The following XNDC1N variants were observed in gnomAD, a reference collection of about 807,000 sequenced individuals.
The protein encoded by XNDC1N is XRCC1 N-terminal domain containing 1, N-terminal like.
At chr11:71,906,293 A>G in the XNDC1N span, among the ~76,000 whole-genome samples, 1 of 151,478 alleles carries the variant, frequency 6.6e-6, no homozygotes, top group East Asian at 2.0e-4. Context: ...GAAATTATGA[A>G]TACTATCACA....
the XNDC1N span, among the ~76,000 whole-genome samples, chr11:71,913,034 G>C: frequency 6.6e-6 from 1 of 152,072 alleles, no homozygotes; most frequent in Non-Finnish European, 1.5e-5. Context: ...TACATTCCCT[G>C]CGATATTCAA....
the XNDC1N span, among the ~76,000 whole-genome samples, chr11:71,894,953 A>T: frequency 6.6e-6 from 1 of 152,274 alleles, no homozygotes; most frequent in Non-Finnish European, 1.5e-5. Context: ...TTCTTTATAA[A>T]CTGCTTCTAT....
chr11:71,886,381 AC>A, the XNDC1N span, among the ~76,000 whole-genome samples: 1 of 151,948 alleles, frequency 6.6e-6, no homozygotes, highest in Non-Finnish European at 1.5e-5. Context: ...GATTATCAAA[AC>A]CCCCAAGAGT....
the XNDC1N span, among the ~76,000 whole-genome samples, chr11:71,874,456 A>G: frequency 3.3e-5 from 5 of 152,344 alleles, no homozygotes; most frequent in East Asian, 1.9e-4. Context: ...AACCCAAACA[A>G]CTAGGTACAT....
the XNDC1N span, among the ~76,000 whole-genome samples, chr11:71,879,366 T>C: frequency 6.6e-6 from 1 of 152,188 alleles, no homozygotes; most frequent in African/African-American, 2.4e-5. Context: ...AAATAATCAA[T>C]ATGACTTTCC....
the XNDC1N span, among the ~76,000 whole-genome samples, chr11:71,902,038 G>A: frequency 0.027 from 4,046 of 152,170 alleles, 222 homozygotes; most frequent in African/African-American, 0.093. Flanking sequence ...AGAGGAACAA[G>A]TGAGTCTCTT....
chr11:71,916,150 C>T, the XNDC1N span: 14 of 702,890 alleles, frequency 2.0e-5, no homozygotes, highest in South Asian at 8.9e-5. Context: ...AGAACACACC[C>T]GTAGAAAGGC....
chr11:71,914,255 C>T, the XNDC1N span: 1 of 455,600 alleles, frequency 2.2e-6, no homozygotes, highest in Non-Finnish European at 4.4e-6. Flanking sequence ...TCTTGGATGC[C>T]ATTAAGAATA....
chr11:71,880,065 T>C, the XNDC1N span, among the ~76,000 whole-genome samples: 7 of 152,200 alleles, frequency 4.6e-5, no homozygotes, highest in African/African-American at 1.7e-4. Context: ...GGAGGAAAAG[T>C]ATAATTCTGT....
the XNDC1N span, among the ~76,000 whole-genome samples, chr11:71,891,848 T>C: frequency 6.6e-6 from 1 of 151,872 alleles, no homozygotes; most frequent in Non-Finnish European, 1.5e-5. Context: ...TGGTTACTCT[T>C]TCACAGGCCA....
chr11:71,890,533 A>G, the XNDC1N span, among the ~76,000 whole-genome samples: 1 of 152,070 alleles, frequency 6.6e-6, no homozygotes, highest in Admixed American at 6.5e-5. Flanking sequence ...GGGCGTGTAC[A>G]CACACTTTGA....
the XNDC1N span, among the ~76,000 whole-genome samples, chr11:71,902,999 T>C: frequency 6.6e-6 from 1 of 152,236 alleles, no homozygotes; most frequent in Non-Finnish European, 1.5e-5. Context: ...CAATCGATGA[T>C]GAAAGCATTA....
chr11:71,871,074 C>A, the XNDC1N span, among the ~76,000 whole-genome samples: 3 of 152,202 alleles, frequency 2.0e-5, no homozygotes, highest in Non-Finnish European at 4.4e-5. Flanking sequence ...GAGATGTCTG[C>A]ATTTCCATGT....
chr11:71,896,067 C>G, the XNDC1N span, among the ~76,000 whole-genome samples: 1 of 152,206 alleles, frequency 6.6e-6, no homozygotes, highest in Admixed American at 6.5e-5. Context: ...CACTTGAGTC[C>G]AGGAGTTCGA....
At chr11:71,897,060 C>A in the XNDC1N span, among the ~76,000 whole-genome samples, 6 of 152,134 alleles carry the variant, frequency 3.9e-5, no homozygotes, top group Non-Finnish European at 7.3e-5. Context: ...CTATGTCACA[C>A]CAGGTGCAAA....
the XNDC1N span, among the ~76,000 whole-genome samples, chr11:71,879,395 C>A: frequency 6.6e-6 from 1 of 152,094 alleles, no homozygotes; most frequent in Non-Finnish European, 1.5e-5. Context: ...TTTTAAAATT[C>A]ATCAATACCC....
chr11:71,917,314 A>G, the XNDC1N span: 1 of 650,176 alleles, frequency 1.5e-6, no homozygotes, highest in South Asian at 1.7e-5. Context: ...ACGCCTGGCC[A>G]CAAAAATATA....
chr11:71,866,956 G>T, the XNDC1N span, among the ~76,000 whole-genome samples: 4 of 151,966 alleles, frequency 2.6e-5, no homozygotes, highest in African/African-American at 9.7e-5. Context: ...AAGTAAAATG[G>T]ATTTTACTAT....
chr11:71,885,788 A>C, the XNDC1N span, among the ~76,000 whole-genome samples: 2 of 151,934 alleles, frequency 1.3e-5, no homozygotes, highest in Admixed American at 1.3e-4. Flanking sequence ...TAATATTAAT[A>C]TTAATTCTTA....
Sources: gnomAD v4.1 joint callset for allele counts (sites outside exome capture counted in the v4.1 genomes callset) on GRCh38, gnomAD v4.1.1 for gene constraint, MANE v1.5 for transcripts, NCBI Gene and HGNC (gene_info 2026-07-23, HGNC 2026-07-21) for gene names.